Variants in ZNF362 observed in about 807,000 individuals in gnomAD.
The protein encoded by ZNF362 is zinc finger protein 362, also known as rotund homolog.
ZNF362 carries 11 observed loss-of-function variants against 42.9 expected under a neutral mutation model. The ratio of observed to expected loss-of-function variants is 0.26; its 90% CI spans 0.16 to 0.42. The LOEUF (loss-of-function observed/expected upper bound fraction) is 0.42, where lower values mean the gene tolerates loss of function less well. ZNF362 is among the 20% of genes least tolerant of loss of function. The pLI, the probability that ZNF362 is intolerant of heterozygous loss-of-function variation, is 1.00. For missense variants in ZNF362, 362 were observed against 576.2 expected, an observed-to-expected ratio of 0.63 and a Z score of 3.81; for synonymous variants, 255 against 257.3, an observed-to-expected ratio of 0.99 and a Z score of 0.09.
chr1:33,259,329 G>A (rs574655533), intron 1 of ZNF362, among the ~76,000 whole-genome samples: 94 of 152,300 alleles, frequency 6.2e-4, no homozygotes, highest in African/African-American at 2.2e-3. Context: ...ACTTATCCCA[G>A]GGACTGAGGA....
At chr1:33,286,351 A>G (rs1256942250) in intron 6 of ZNF362, among the ~76,000 whole-genome samples, 4 of 151,908 alleles carry the variant, frequency 2.6e-5, no homozygotes, top group Non-Finnish European at 2.9e-5. Context: ...TTTTCCAAGA[A>G]GTAGACTTTG....
chr1:33,141,844 A>C, the ZNF362 span: 1 of 166,652 alleles, frequency 6.0e-6, no homozygotes, highest in East Asian at 1.5e-4. Flanking sequence ...CTTAAAAAAA[A>C]ATAGAAAACT....
At chr1:33,243,028 T>C in the ZNF362 span, among the ~76,000 whole-genome samples, 21 of 152,182 alleles carry the variant, frequency 1.4e-4, no homozygotes, top group Non-Finnish European at 2.4e-4. Flanking sequence ...TCTATTTTTT[T>C]CGCAATGACA....
Position 33,280,556 on chromosome 1 carries a change from T to TA in ZNF362, c.683+100dup. On this transcript the variant is annotated intron_variant, in intron 5 of 8. Coordinates refer to ENST00000539719, the MANE Select transcript of ZNF362 (RefSeq NM_152493.3). The surrounding 1 kb of genome is among the most constrained non-coding windows in gnomAD (Gnocchi z 5.6). ...AGCAGCGGGGCTGAAACAGGACCCT[T>TA]AGGGCTGAGGGGCAGGGCTAGGGTC... is the stretch of plus-strand genomic sequence containing the variant. The TA allele has an allele frequency of 2.7e-6, 4 of 1,456,070 alleles. No homozygotes were observed. The highest frequency in any genetic ancestry group is 3.6e-6 in the Non-Finnish European group (4 of 1,100,478). 90.2% of individuals were successfully genotyped at this position (1,456,070 alleles called of 1,614,324 possible).
the ZNF362 span, among the ~76,000 whole-genome samples, chr1:33,189,649 A>ACG: frequency 2.5e-4 from 4 of 16,196 alleles, no homozygotes; most frequent in South Asian, 5.3e-3. Context: ...ATATATATAT[A>ACG]TATATATATA....
chr1:33,298,804 C>A, intron 8 of ZNF362, 126 bp from the exon 9 acceptor site: 1 of 758,724 alleles, frequency 1.3e-6, no homozygotes, highest in Non-Finnish European at 2.3e-6. Flanking sequence ...CCCTGCAAAA[C>A]TGTGGCTGTC....
At chr1:33,132,638 C>T in the ZNF362 span, among the ~76,000 whole-genome samples, 3 of 152,224 alleles carry the variant, frequency 2.0e-5, no homozygotes, top group Non-Finnish European at 4.4e-5. Flanking sequence ...CCCTGTATCC[C>T]ATACATGCAC....
At chr1:33,148,339 A>AT in the ZNF362 span, among the ~76,000 whole-genome samples, 9 of 152,142 alleles carry the variant, frequency 5.9e-5, no homozygotes, top group South Asian at 2.1e-4. Flanking sequence ...TAAACATGAA[A>AT]TTTTTTTTGC....
rs1235228394 is a variant in ZNF362, at chr1:33,294,898, G to C, written c.909-39G>C. ...GGGAACTGGAGCGGTCTTGGGGTGT[G>C]TGTCAGGGACTTCGACCTTACTGGG... On this transcript the variant is annotated intron_variant, in intron 6 of 8. Transcript: ENST00000539719. This position sits in a 1 kb window ranked among gnomAD's most constrained non-coding sequence, Gnocchi z 4.2. 1.2e-6 allele frequency: 2 copies of C among 1,611,750 alleles called. No individual in the cohort carries two copies. The highest frequency in any genetic ancestry group is 1.7e-6 in the Non-Finnish European group (2 of 1,178,044).
chr1:33,155,022 G>A, the ZNF362 span, among the ~76,000 whole-genome samples: 3 of 148,684 alleles, frequency 2.0e-5, no homozygotes, highest in African/African-American at 7.4e-5. Flanking sequence ...GAACCCGGGA[G>A]GCAGACCTTG....
intron 1 of ZNF362, among the ~76,000 whole-genome samples, chr1:33,267,830 A>G (rs1314704545): frequency 6.6e-6 from 1 of 152,184 alleles, no homozygotes; most frequent in Non-Finnish European, 1.5e-5. Context: ...CTTTGTACAT[A>G]TAACTTTTTC....
At chr1:33,212,452 G>A in the ZNF362 span, among the ~76,000 whole-genome samples, 4 of 152,126 alleles carry the variant, frequency 2.6e-5, no homozygotes, top group Non-Finnish European at 5.9e-5. Context: ...GGCTATTGGT[G>A]TGTTGCTGTA....
rs777038578 is a variant in ZNF362, at chr1:33,281,632, G to C, written c.729G>C (p.Gln243His). The change falls in exon 6 of 9, where the codon CAG (glutamine) becomes CAC (histidine). Residue 243 changes from glutamine to histidine, a missense_variant. This residue lies in a region of ZNF362 where 266 missense variants were observed against 365.4 expected (regional missense o/e 0.73). Transcript: ENST00000539719. The surrounding 1 kb of genome is among the most constrained non-coding windows in gnomAD (Gnocchi z 4.8). ...PLTFFTKSEMQIHSKSHTEAK... is the reference protein window; with the variant it reads ...PLTFFTKSEMHIHSKSHTEAK... ...CCTTTTTCACCAAGTCAGAGATGCAGATCCACTCCAAGTCGCACACAGAGG... is the reference window on the plus strand; with the variant it reads ...CCTTTTTCACCAAGTCAGAGATGCACATCCACTCCAAGTCGCACACAGAGG... 2.5e-6 allele frequency: 4 copies of C among 1,614,226 alleles called. No homozygotes were observed. Among genetic ancestry groups the C allele is most frequent in the Non-Finnish European group, 2.5e-6 (3 of 1,180,038 alleles).
the ZNF362 span, among the ~76,000 whole-genome samples, chr1:33,193,004 CAT>C: frequency 0.72 from 99,163 of 137,624 alleles, 35,520 homozygotes; most frequent in Non-Finnish European, 0.77. Flanking sequence ...CACACACACA[CAT>C]ATATATATAT....
chr1:33,256,847 A>C (rs867570331), intron 1 of ZNF362, among the ~76,000 whole-genome samples, 193 bp downstream of exon 1: 2 of 125,536 alleles, frequency 1.6e-5, no homozygotes, highest in Non-Finnish European at 3.6e-5. Flanking sequence ...CGGCGGCGGC[A>C]GCGGGGCGCG....
At chr1:33,252,090 C>T (rs999811246), upstream of ZNF362, among the ~76,000 whole-genome samples, 1 of 152,186 alleles carries the variant, frequency 6.6e-6, no homozygotes, top group Non-Finnish European at 1.5e-5. Flanking sequence ...TGGTGGCTCA[C>T]GCCTGTAATC....
In ZNF362 at chr1:33,281,819, G is replaced by T. The variant is rs770087109; in HGVS notation, c.908+8G>T. Reference sequence around the variant, plus strand: ...CCTCCAGCAGCACACCAGGTGAGTGGCCTGCCTGCTGCCCTGCTGCAGCCC... The same window carrying T: ...CCTCCAGCAGCACACCAGGTGAGTGTCCTGCCTGCTGCCCTGCTGCAGCCC... On this transcript the variant is annotated splice_region_variant and intron_variant, in intron 6 of 8. Coordinates refer to ENST00000539719, the MANE Select transcript of ZNF362 (RefSeq NM_152493.3). The surrounding 1 kb of genome is among the most constrained non-coding windows in gnomAD (Gnocchi z 4.8). 27 of 1,613,322 alleles carry T rather than the reference G, an allele frequency of 1.7e-5. No homozygotes were observed. Among genetic ancestry groups the T allele is most frequent in the Non-Finnish European group, 2.2e-5 (26 of 1,179,510 alleles).
chr1:33,214,829 T>A, the ZNF362 span, among the ~76,000 whole-genome samples: 1 of 152,172 alleles, frequency 6.6e-6, no homozygotes, highest in Non-Finnish European at 1.5e-5. Context: ...TGGCTTTCAC[T>A]CAAAAGACAG....
chr1:33,287,613 G>T (rs1646042175), intron 6 of ZNF362, among the ~76,000 whole-genome samples: 1 of 152,208 alleles, frequency 6.6e-6, no homozygotes, highest in Non-Finnish European at 1.5e-5. Context: ...TTTATTCAGG[G>T]TGCAAAGGGG....
Sources: allele counts gnomAD v4.1 joint callset (sites outside exome capture counted in the v4.1 genomes callset), GRCh38; gene constraint gnomAD v4.1.1; regional missense constraint gnomAD v4.1.1; non-coding constraint Gnocchi (gnomAD v3.1); transcripts MANE v1.5; gene names NCBI Gene and HGNC (gene_info 2026-07-23, HGNC 2026-07-21).